The following ROBO2 variants were observed in gnomAD, a reference collection of about 807,000 sequenced individuals.
ROBO2 encodes roundabout homolog 2.
ROBO2 carries 53 observed loss-of-function variants against 160.8 expected under a neutral mutation model. The observed-to-expected ratio is 0.33, with a 90% confidence interval of 0.26 to 0.41. The LOEUF is 0.41. ROBO2 is among the 10% of genes least tolerant of loss of function. The probability of loss-of-function intolerance (pLI) is 1.00; values close to 1 mark genes in which losing one functional copy is unlikely to be tolerated. For missense variants in ROBO2, 1,577 were observed against 1,722.4 expected, an observed-to-expected ratio of 0.92 and a Z score of 1.49; for synonymous variants, 664 against 611.7, an observed-to-expected ratio of 1.09 and a Z score of -1.26.
At chr3:76,824,503 CT>C (rs2066402125) in intron 2 of ROBO2, among the ~76,000 whole-genome samples, 1 of 152,262 alleles carries the variant, frequency 6.6e-6, no homozygotes, top group African/African-American at 2.4e-5. Flanking sequence ...TGCTTTCATA[CT>C]TTTCTAAACT....
At chr3:76,953,820 A>ATGTGTG (rs112746282) in intron 2 of ROBO2, among the ~76,000 whole-genome samples, 23 of 149,406 alleles carry the variant, frequency 1.5e-4, no homozygotes, top group African/African-American at 5.4e-4. Context: ...TCCTTTTTAA[A>ATGTGTG]TGTGTGTGTG....
At chr3:77,215,963 A>C (rs1335606000) in intron 2 of ROBO2, among the ~76,000 whole-genome samples, 1 of 152,094 alleles carries the variant, frequency 6.6e-6, no homozygotes, top group African/African-American at 2.4e-5. Flanking sequence ...AGGAGTACCC[A>C]GCCGTGTGAG....
At chr3:76,633,563 T>C (rs1317236617) in intron 2 of ROBO2, among the ~76,000 whole-genome samples, 2 of 152,192 alleles carry the variant, frequency 1.3e-5, no homozygotes, top group Non-Finnish European at 2.9e-5. Flanking sequence ...AAGTCTTTGT[T>C]GAAAACACCA....
Position 76,067,586 on chromosome 3 carries a change from A to G in ROBO2, c.109+129984A>G, listed in dbSNP as rs78554273. Among the ~76,000 whole-genome samples the G allele has an allele frequency of 1.6e-4, 25 of 152,168 alleles. No homozygotes were observed. The East Asian group carries it at 4.8e-3, about 29-fold the overall frequency. ...AGAAAAGGAATCTCTTTTTTATATT[A>G]TTCTTATCCTGTAGCATTTATCTGT... is the stretch of plus-strand genomic sequence containing the variant. On this transcript the variant is annotated intron_variant, in intron 2 of 26. Transcript: ENST00000487694.
chr3:77,402,311 C>A (rs951152216), intron 2 of ROBO2, among the ~76,000 whole-genome samples: 1 of 151,984 alleles, frequency 6.6e-6, no homozygotes, highest in Admixed American at 6.6e-5. Flanking sequence ...GGAGGGATAG[C>A]ATTAGGAGAA....
rs895464687 is a variant in ROBO2, at chr3:76,130,418, T to C, written c.109+192816T>C. On this transcript the variant is annotated intron_variant, in intron 2 of 26. Transcript: ENST00000487694. The stretch of plus-strand genomic sequence containing the variant: ...TCTCCATAAAAAACACTGAGAAATT[T>C]AAAAACATTGTTGAGTGAAAAGAGA... 2.6e-5 allele frequency among the ~76,000 whole-genome samples: 4 copies of C among 152,166 alleles called. No individual in the cohort carries two copies. The South Asian group carries it at 6.2e-4, about 24-fold the overall frequency.
intron 2 of ROBO2, among the ~76,000 whole-genome samples, chr3:76,797,186 C>T (rs2063764812): frequency 1.3e-5 from 2 of 152,046 alleles, no homozygotes; most frequent in Admixed American, 6.6e-5. Context: ...AAGAACAGAC[C>T]TTACATTAGG....
At chr3:76,823,191 A>G (rs1294828605) in intron 2 of ROBO2, among the ~76,000 whole-genome samples, 1 of 152,116 alleles carries the variant, frequency 6.6e-6, no homozygotes, top group East Asian at 1.9e-4. Flanking sequence ...ACATCTAGCT[A>G]GTAATATTTG....
intron 2 of ROBO2, among the ~76,000 whole-genome samples, chr3:76,422,528 T>G (rs2076037944): frequency 6.6e-6 from 1 of 152,174 alleles, no homozygotes; most frequent in African/African-American, 2.4e-5. Flanking sequence ...TGTATTAACC[T>G]CTCAGGTCAC....
chr3:76,112,131 T>A (rs114876032), intron 2 of ROBO2, among the ~76,000 whole-genome samples: 1 of 152,166 alleles, frequency 6.6e-6, no homozygotes. Flanking sequence ...GCTTCCCTTA[T>A]TCATCACAGC....
intron 2 of ROBO2, among the ~76,000 whole-genome samples, chr3:76,284,563 G>A (rs768938324): frequency 1.6e-4 from 24 of 152,010 alleles, no homozygotes; most frequent in Non-Finnish European, 3.2e-4. Flanking sequence ...TCATTGATTT[G>A]CAGCTTCTCT....
chr3:75,955,159 T>G (rs1342292779), intron 2 of ROBO2, among the ~76,000 whole-genome samples: 1 of 151,796 alleles, frequency 6.6e-6, no homozygotes, highest in African/African-American at 2.4e-5. Context: ...AATGTATAAC[T>G]TAGTGGTAGC....
At chr3:77,326,613 G>T (rs938449301) in intron 2 of ROBO2, among the ~76,000 whole-genome samples, 1 of 152,122 alleles carries the variant, frequency 6.6e-6, no homozygotes, top group Non-Finnish European at 1.5e-5. Flanking sequence ...ATGTGTCTTT[G>T]TATGTGAATG....
At chr3:77,608,508 C>T (rs1009782893) in intron 21 of ROBO2, among the ~76,000 whole-genome samples, 5 of 152,112 alleles carry the variant, frequency 3.3e-5, no homozygotes, top group African/African-American at 4.8e-5. Context: ...TTTTAAGATA[C>T]AAAATTTTCT....
At chr3:76,375,979 C>G (rs928811273) in intron 2 of ROBO2, among the ~76,000 whole-genome samples, 6 of 151,918 alleles carry the variant, frequency 3.9e-5, no homozygotes, top group African/African-American at 1.4e-4. Context: ...GATTCTGTTA[C>G]TTTTCATATT....
chr3:76,609,910 A>G (rs2087954320), intron 2 of ROBO2, among the ~76,000 whole-genome samples: 1 of 152,186 alleles, frequency 6.6e-6, no homozygotes, highest in African/African-American at 2.4e-5. Context: ...ATTAGGGCTT[A>G]GAGATGTTGA....
chr3:75,970,688 C>A (rs546251798), intron 2 of ROBO2, among the ~76,000 whole-genome samples: 4 of 151,500 alleles, frequency 2.6e-5, no homozygotes, highest in African/African-American at 7.2e-5. Context: ...AATAAGTAAA[C>A]GCATTATTTG....
At chr3:77,032,393 G>A (rs1559871250) in intron 2 of ROBO2, among the ~76,000 whole-genome samples, 1 of 152,136 alleles carries the variant, frequency 6.6e-6, no homozygotes, top group African/African-American at 2.4e-5. Context: ...TATGCTTCAT[G>A]AGAATTTAAT....
chr3:77,470,733 G>A (rs1225304222), intron 2 of ROBO2, among the ~76,000 whole-genome samples: 1 of 152,148 alleles, frequency 6.6e-6, no homozygotes, highest in Non-Finnish European at 1.5e-5. Flanking sequence ...AGGCTCCTGA[G>A]TATGCTTCTA....
Sources: gnomAD v4.1 joint callset for allele counts (sites outside exome capture counted in the v4.1 genomes callset) on GRCh38, gnomAD v4.1.1 for gene constraint, MANE v1.5 for transcripts, NCBI Gene and HGNC (gene_info 2026-07-23, HGNC 2026-07-21) for gene names.